Variants in ABCC4 observed in about 807,000 individuals in gnomAD.
ABCC4 encodes the protein ATP-binding cassette sub-family C member 4.
ABCC4 carries 102 observed loss-of-function variants against 168.5 expected under a neutral mutation model. The ratio of observed to expected loss-of-function variants is 0.61; its 90% CI spans 0.52 to 0.71. ABCC4 has a LOEUF of 0.71. ABCC4 is among the 30% of genes least tolerant of loss of function. ABCC4 has a pLI of 0.00. For missense variants in ABCC4, 1,402 were observed against 1,605.8 expected (o/e 0.87, Z 2.17); for synonymous variants, 617 against 590.7 (o/e 1.04, Z -0.65).
At chr13:95,296,710 G>C (rs969504672) in intron 1 of ABCC4, among the ~76,000 whole-genome samples, 1 of 152,174 alleles carries the variant, frequency 6.6e-6, no homozygotes, top group Non-Finnish European at 1.5e-5. Context: ...GATCAGGTGT[G>C]GGCAGAGGAA....
In ABCC4 at chr13:95,053,177, A is replaced by G. The variant is rs201085997; in HGVS notation, c.3374T>C (p.Val1125Ala). The change falls in exon 27 of 31, where the codon GTT (valine) becomes GCT (alanine). Residue 1125 changes from valine (V) to alanine (A), a missense_variant. Coordinates refer to ENST00000645237, the MANE Select transcript of ABCC4 (RefSeq NM_005845.5). Reference protein sequence around the residue: ...KKMSIIPQEPVLFTGTMRKNL... With the variant: ...KKMSIIPQEPALFTGTMRKNL... ...TTTCCTCATTGTTCCAGTGAACAAAACAGGTTCCTAAGTGCCCAAAATAGT... is the reference window on the plus strand; with the variant it reads ...TTTCCTCATTGTTCCAGTGAACAAAGCAGGTTCCTAAGTGCCCAAAATAGT... 73 of 1,614,084 alleles carry G rather than the reference A, an allele frequency of 4.5e-5. No individual in the cohort carries two copies. Among genetic ancestry groups the G allele is most frequent in the Non-Finnish European group, 5.9e-5 (70 of 1,179,942 alleles).
At chr13:95,089,103 A>T (rs1055585996) in intron 20 of ABCC4, among the ~76,000 whole-genome samples, 1 of 152,188 alleles carries the variant, frequency 6.6e-6, no homozygotes, top group Non-Finnish European at 1.5e-5. Flanking sequence ...ATTTCTGGAA[A>T]AATGATGGGC....
chr13:95,095,793 G>A (rs1244493492), intron 20 of ABCC4: 1 of 195,916 alleles, frequency 5.1e-6, no homozygotes, highest in African/African-American at 2.3e-5. Context: ...GTATGTTTAT[G>A]AAAACACAAT....
chr13:95,176,501 A>T (rs1751004), intron 13 of ABCC4, among the ~76,000 whole-genome samples: 149,573 of 151,586 alleles, frequency 0.99, 73,896 homozygotes, highest in African/African-American at 1. Context: ...TCTAAAAAAA[A>T]AATAATAATA....
chr13:95,144,693 C>A (rs2036430243), intron 19 of ABCC4, among the ~76,000 whole-genome samples: 1 of 152,040 alleles, frequency 6.6e-6, no homozygotes, highest in African/African-American at 2.4e-5. Flanking sequence ...CGTAAAAGAT[C>A]TCTACATCAA....
intron 20 of ABCC4, among the ~76,000 whole-genome samples, chr13:95,090,909 C>T (rs2034411408): frequency 6.6e-6 from 1 of 151,908 alleles, no homozygotes; most frequent in African/African-American, 2.4e-5. Flanking sequence ...GAGAAATAGT[C>T]AAAGAAACAG....
At chr13:95,267,735 A>T (rs998008627) in intron 1 of ABCC4, among the ~76,000 whole-genome samples, 1 of 152,224 alleles carries the variant, frequency 6.6e-6, no homozygotes, top group African/African-American at 2.4e-5. Context: ...ATTATCAGGG[A>T]CATAATATAA....
chr13:95,067,200 G>A (rs1255333712), intron 25 of ABCC4, among the ~76,000 whole-genome samples: 1 of 152,214 alleles, frequency 6.6e-6, no homozygotes, highest in Non-Finnish European at 1.5e-5. Context: ...TTCATGGAAG[G>A]CTGTATGGTG....
At chr13:95,262,903 G>A (rs7338429) in intron 1 of ABCC4, among the ~76,000 whole-genome samples, 3,305 of 152,198 alleles carry the variant, frequency 0.022, 94 homozygotes, top group East Asian at 0.087. Flanking sequence ...CCAAAGTGCT[G>A]GATTTACAGG....
intron 20 of ABCC4, among the ~76,000 whole-genome samples, chr13:95,106,801 C>T (rs1248878479): frequency 6.6e-6 from 1 of 152,102 alleles, no homozygotes; most frequent in Non-Finnish European, 1.5e-5. Flanking sequence ...AAAGATGGTA[C>T]TGGTGACTCT....
At chr13:95,226,310 G>C (rs2039464902) in intron 4 of ABCC4, among the ~76,000 whole-genome samples, 1 of 151,896 alleles carries the variant, frequency 6.6e-6, no homozygotes, top group African/African-American at 2.4e-5. Context: ...AAACAGGTTG[G>C]GTAACTTTCA....
At chr13:95,244,230 A>G (rs1249818804) in intron 3 of ABCC4, among the ~76,000 whole-genome samples, 1 of 151,974 alleles carries the variant, frequency 6.6e-6, no homozygotes, top group Non-Finnish European at 1.5e-5. Context: ...TGTCATTTAC[A>G]CTTTGTGTGG....
Position 95,021,643 on chromosome 13 carries a change from C to A in ABCC4, c.3910G>T (p.Asp1304Tyr). ...TTGGAAGTGTTTGTAACCATGTGGTCAGTGTGACCAATATGTGGATAATTT... is the reference window on the plus strand; with the variant it reads ...TTGGAAGTGTTTGTAACCATGTGGTAAGTGTGACCAATATGTGGATAATTT... Reference protein sequence around the residue: ...KRNYPHIGHTDHMVTNTSNGQ... With the variant: ...KRNYPHIGHTYHMVTNTSNGQ... The change falls in exon 31 of 31, where the codon GAC becomes TAC. Residue 1304 changes from aspartate (D) to tyrosine (Y), a missense_variant. Around this residue, in one of 3 missense-constraint regions of ABCC4, gnomAD observed 1,007 missense variants for 1,127.3 expected, o/e 0.89. Coordinates refer to ENST00000645237, the MANE Select transcript of ABCC4 (RefSeq NM_005845.5). The A allele has an allele frequency of 6.2e-7, 1 of 1,612,238 alleles. No individual in the cohort carries two copies. The highest frequency in any genetic ancestry group is 1.1e-5 in the South Asian group (1 of 90,938).
intron 1 of ABCC4, among the ~76,000 whole-genome samples, chr13:95,278,695 G>A (rs774734848): frequency 4.0e-5 from 6 of 151,626 alleles, no homozygotes; most frequent in Non-Finnish European, 8.8e-5. Context: ...TACTCAGGAA[G>A]CTGAGGTGGG....
intron 4 of ABCC4, among the ~76,000 whole-genome samples, chr13:95,226,964 G>T (rs527359239): frequency 6.6e-6 from 1 of 152,300 alleles, no homozygotes; most frequent in Admixed American, 6.5e-5. Context: ...TATCACATAG[G>T]AGCTTTTAAA....
chr13:95,248,506 T>TAA (rs11428063), intron 1 of ABCC4, among the ~76,000 whole-genome samples: 1 of 150,766 alleles, frequency 6.6e-6, no homozygotes, highest in Non-Finnish European at 1.5e-5. Context: ...TTCTTTTTAC[T>TAA]AAAAAAAAAG....
rs771919171 is a variant in ABCC4, at chr13:95,062,558, G to A, written c.3366+146C>T. 209 of 706,900 alleles carry A rather than the reference G, an allele frequency of 3.0e-4. 1 individual carries two copies. The highest frequency in any genetic ancestry group is 4.0e-4 in the Non-Finnish European group (174 of 430,960). The allele number at this position is 706,900 out of a possible 1,614,324, so 43.8% of individuals were successfully genotyped here. ...TGGATATCTGATGAAAATACCTGTTGAAAATATCTGCTCATAAAAACATGC... is the reference window on the plus strand; with the variant it reads ...TGGATATCTGATGAAAATACCTGTTAAAAATATCTGCTCATAAAAACATGC... On this transcript the variant is annotated intron_variant, in intron 26 of 30. Transcript: ENST00000645237.
intron 1 of ABCC4, among the ~76,000 whole-genome samples, chr13:95,250,402 T>TTATTTGGAG (rs2040223404): frequency 6.6e-6 from 1 of 152,184 alleles, no homozygotes; most frequent in Non-Finnish European, 1.5e-5. Flanking sequence ...TTATTTGGAA[T>TTATTTGGAG]CCCCATTATG....
chr13:95,212,262 A>G (rs958091672), intron 4 of ABCC4, among the ~76,000 whole-genome samples: 1 of 152,090 alleles, frequency 6.6e-6, no homozygotes, highest in Non-Finnish European at 1.5e-5. Context: ...GGAGTGAGGG[A>G]GAAGAAAGGG....
Sources: gnomAD v4.1 joint callset for allele counts (sites outside exome capture counted in the v4.1 genomes callset) on GRCh38, gnomAD v4.1.1 for gene constraint, gnomAD v4.1.1 regional missense constraint, MANE v1.5 for transcripts, NCBI Gene and HGNC (gene_info 2026-07-23, HGNC 2026-07-21) for gene names.